KCNIP4: variants seen among roughly 807,000 people sequenced by gnomAD.
KCNIP4 encodes potassium voltage-gated channel interacting protein 4.
KCNIP4 carries 12 observed loss-of-function variants against 34.0 expected under a neutral mutation model. The ratio of observed to expected loss-of-function variants is 0.35; its 90% CI spans 0.23 to 0.57. The LOEUF (loss-of-function observed/expected upper bound fraction) is 0.57, where lower values mean the gene tolerates loss of function less well. Ranked by LOEUF, KCNIP4 falls within the 20% of genes least tolerant of loss-of-function variation. KCNIP4 has a pLI of 0.83. For missense variants in KCNIP4, 238 were observed against 311.7 expected (o/e 0.76, Z 1.78); for synonymous variants, 124 against 102.2 (o/e 1.21, Z -1.29).
intron 1 of KCNIP4, among the ~76,000 whole-genome samples, chr4:21,643,894 A>AGAT (rs1746814098): frequency 7.0e-6 from 1 of 142,376 alleles, no homozygotes; most frequent in African/African-American, 2.5e-5. Context: ...ATAGATAGAT[A>AGAT]GATAGATAGA....
At chr4:21,936,846 A>G (rs1729888856) in intron 1 of KCNIP4, among the ~76,000 whole-genome samples, 2 of 152,016 alleles carry the variant, frequency 1.3e-5, no homozygotes, top group Admixed American at 6.6e-5. Flanking sequence ...TCTACATGCC[A>G]GTCACTGACC....
rs111240655 is a variant in KCNIP4 at position 21,248,060 on chromosome 4, A to ATGTGTGTG, written c.62-365359_62-365352dup. On this transcript the variant is annotated intron_variant, in intron 1 of 8. Transcript: ENST00000382152. Reference sequence around the variant, plus strand: ...CACCACAGGTGGAGCATATATATATATGTGTGTGTGTGTGTGTGTTCTGCA... The same window carrying ATGTGTGTG: ...CACCACAGGTGGAGCATATATATATATGTGTGTGTGTGTGTGTGTGTGTGTGTTCTGCA... 5.6e-3 allele frequency among the ~76,000 whole-genome samples: 811 copies of ATGTGTGTG among 145,344 alleles called. 10 individuals carry two copies. Among genetic ancestry groups the ATGTGTGTG allele is most frequent in the African/African-American group, 0.019 (741 of 39,054 alleles).
intron 1 of KCNIP4, among the ~76,000 whole-genome samples, chr4:20,943,058 G>C (rs1029632932): frequency 2.0e-5 from 3 of 152,182 alleles, no homozygotes; most frequent in Non-Finnish European, 4.4e-5. Flanking sequence ...GTTTGATTAA[G>C]AATGCATTGA....
chr4:21,234,069 TA>T (rs1467152678), intron 1 of KCNIP4, among the ~76,000 whole-genome samples: 9 of 103,566 alleles, frequency 8.7e-5, no homozygotes, highest in African/African-American at 3.1e-4. Flanking sequence ...ATATATAACA[TA>T]ACATAACATA....
chr4:21,729,411 G>C (rs1715427763), intron 1 of KCNIP4, among the ~76,000 whole-genome samples: 1 of 152,062 alleles, frequency 6.6e-6, no homozygotes, highest in Non-Finnish European at 1.5e-5. Context: ...TACTAATCTA[G>C]GTAATATAAT....
intron 1 of KCNIP4, among the ~76,000 whole-genome samples, chr4:21,731,380 C>T (rs1715589328): frequency 6.6e-6 from 1 of 151,926 alleles, no homozygotes; most frequent in South Asian, 2.1e-4. Context: ...ACGCTTTCGA[C>T]GTGATAGAGG....
intron 1 of KCNIP4, among the ~76,000 whole-genome samples, chr4:21,705,508 G>A (rs1713195366): frequency 6.6e-6 from 1 of 152,088 alleles, no homozygotes; most frequent in Non-Finnish European, 1.5e-5. Context: ...ATGCACTACT[G>A]TTTTAGGTGC....
intron 1 of KCNIP4, among the ~76,000 whole-genome samples, chr4:20,909,674 A>G (rs1728143565): frequency 6.6e-6 from 1 of 152,192 alleles, no homozygotes; most frequent in Admixed American, 6.5e-5. Context: ...TGCCTGCACT[A>G]TAAAGATTGA....
chr4:21,923,690 G>C (rs931494465), intron 1 of KCNIP4, among the ~76,000 whole-genome samples: 6 of 152,106 alleles, frequency 3.9e-5, no homozygotes, highest in African/African-American at 1.4e-4. Context: ...TTCCCCTCCA[G>C]CCACTCTAGC....
intron 1 of KCNIP4, among the ~76,000 whole-genome samples, chr4:21,890,900 A>G (rs962791682): frequency 6.6e-6 from 1 of 152,154 alleles, no homozygotes; most frequent in African/African-American, 2.4e-5. Flanking sequence ...AGACTTACAT[A>G]CAGGGCAGTT....
In KCNIP4 at chr4:21,539,721, T is replaced by G. The variant is rs2108995221; in HGVS notation, c.61+408850A>C. ...TGAGGCCGGGCACAGTGGCTCACGT[T>G]TGTAATCCCAGCACTTTGGGAGGCC... On this transcript the variant is annotated intron_variant, in intron 1 of 8. Coordinates refer to ENST00000382152, the MANE Select transcript of KCNIP4 (RefSeq NM_025221.6). Among the ~76,000 whole-genome samples, 3 of 152,144 alleles carry G rather than the reference T, an allele frequency of 2.0e-5. No homozygotes were observed. In the East Asian group the frequency reaches 5.8e-4, roughly 29 times the overall value.
At chr4:21,911,866 T>G (rs1293272781) in intron 1 of KCNIP4, among the ~76,000 whole-genome samples, 1 of 152,116 alleles carries the variant, frequency 6.6e-6, no homozygotes, top group Non-Finnish European at 1.5e-5. Context: ...ATAATCTCTC[T>G]TTTTAGTTCT....
intron 1 of KCNIP4, among the ~76,000 whole-genome samples, chr4:21,773,742 G>GTTTTTTTTT (rs1553930230): frequency 5.8e-5 from 2 of 34,430 alleles, no homozygotes; most frequent in African/African-American, 7.1e-5. Context: ...GTTTTTTTTT[G>GTTTTTTTTT]TTGTTTTTTT....
chr4:21,369,142 A>G (rs913966870), intron 1 of KCNIP4, among the ~76,000 whole-genome samples: 1 of 147,166 alleles, frequency 6.8e-6, no homozygotes, highest in Admixed American at 6.6e-5. Flanking sequence ...GTCTCCTAAA[A>G]TGGAAAAATA....
chr4:21,528,686 AG>A, intron 1 of KCNIP4, among the ~76,000 whole-genome samples: 2 of 2,108 alleles, frequency 9.5e-4, no homozygotes, highest in South Asian at 0.071. Flanking sequence ...AAAGAAAGAA[AG>A]AAAGAAAGAA....
intron 2 of KCNIP4, among the ~76,000 whole-genome samples, chr4:20,878,266 A>AGGATTC (rs1334588426): frequency 6.6e-6 from 1 of 152,182 alleles, no homozygotes; most frequent in Non-Finnish European, 1.5e-5. Flanking sequence ...TATACTAAAT[A>AGGATTC]CTTTGCATGG....
In KCNIP4 at chr4:21,370,999, C is replaced by T. The variant is rs960505519; in HGVS notation, c.62-488290G>A. ...AGCAGTGGAAGGGGTAGGGATCTAG[C>T]TCACAAATATGGTTGATGTATGAAA... On this transcript the variant is annotated intron_variant, in intron 1 of 8. Coordinates refer to ENST00000382152, the MANE Select transcript of KCNIP4 (RefSeq NM_025221.6). 2.1e-4 allele frequency among the ~76,000 whole-genome samples: 29 copies of T among 138,764 alleles called. 1 individual carries two copies. Among genetic ancestry groups the T allele is most frequent in the Admixed American group, 1.7e-3 (25 of 14,506 alleles). 91.0% of individuals were successfully genotyped at this position (138,764 alleles called of 152,430 possible). A position where few individuals can be genotyped will look rare whatever the true frequency, so the allele number is the denominator to read the frequency against.
intron 1 of KCNIP4, among the ~76,000 whole-genome samples, chr4:21,756,831 TCA>T (rs1187403334): frequency 2.0e-5 from 3 of 151,942 alleles, no homozygotes; most frequent in African/African-American, 7.3e-5. Context: ...GCGCAGTGGC[TCA>T]CGCCTGTAAT....
intron 1 of KCNIP4, among the ~76,000 whole-genome samples, chr4:21,421,054 A>G (rs1012266206): frequency 6.6e-6 from 1 of 152,196 alleles, no homozygotes; most frequent in African/African-American, 2.4e-5. Flanking sequence ...ATCACTAATC[A>G]TTAGGAAATG....
Sources: gnomAD v4.1 joint callset for allele counts (sites outside exome capture counted in the v4.1 genomes callset) on GRCh38, gnomAD v4.1.1 for gene constraint, MANE v1.5 for transcripts, NCBI Gene and HGNC (gene_info 2026-07-23, HGNC 2026-07-21) for gene names.